C1orf198: variants seen among roughly 807,000 people sequenced by gnomAD.
C1orf198 encodes the protein chromosome 1 open reading frame 198.
A neutral mutation model predicts 31.4 loss-of-function variants in C1orf198; 17 were observed. That is an observed-to-expected ratio of 0.54 (90% CI 0.37 to 0.81). C1orf198 has a LOEUF of 0.81. C1orf198 is among the 40% of genes least tolerant of loss of function. C1orf198 has a pLI of 0.00. For missense variants in C1orf198, 401 were observed against 450.3 expected (o/e 0.89, Z 0.99); for synonymous variants, 175 against 193.8 (o/e 0.90, Z 0.81).
At chr1:230,856,557 T>G (rs1309657483) in intron 1 of C1orf198, among the ~76,000 whole-genome samples, 1 of 152,144 alleles carries the variant, frequency 6.6e-6, no homozygotes, top group African/African-American at 2.4e-5. Context: ...AACTTTTGTT[T>G]GTTTGTTGGT....
intron 2 of C1orf198, among the ~76,000 whole-genome samples, chr1:230,848,422 G>T (rs1350009850): frequency 6.6e-6 from 1 of 152,294 alleles, no homozygotes; most frequent in East Asian, 1.9e-4. Context: ...TGGGTAGGAA[G>T]GGGATGAAGA....
intron 2 of C1orf198, among the ~76,000 whole-genome samples, chr1:230,845,598 G>A (rs559984923): frequency 5.3e-5 from 8 of 151,916 alleles, no homozygotes; most frequent in African/African-American, 1.2e-4. Flanking sequence ...CAGGAGAATC[G>A]CTTGAACCCG....
At chr1:230,867,000 T>G (rs1314920842) in intron 1 of C1orf198, among the ~76,000 whole-genome samples, 1 of 152,200 alleles carries the variant, frequency 6.6e-6, no homozygotes, top group Non-Finnish European at 1.5e-5. Context: ...TTTATGACCA[T>G]GAACACTTCG....
At chr1:230,862,308 G>A (rs1401788672) in intron 1 of C1orf198, among the ~76,000 whole-genome samples, 1 of 152,208 alleles carries the variant, frequency 6.6e-6, no homozygotes, top group Non-Finnish European at 1.5e-5. Context: ...TTCTGCTATA[G>A]TTATTTCTAT....
intron 2 of C1orf198, 148 bp from the exon 3 acceptor site, chr1:230,844,044 C>T: frequency 1.2e-6 from 1 of 821,090 alleles, no homozygotes; most frequent in Non-Finnish European, 1.8e-6. Context: ...AACTGTCTGT[C>T]CTGAGTGGTG....
chr1:230,868,036 T>TCCCCACC, intron 1 of C1orf198, 144 bp downstream of exon 1: 4 of 861,456 alleles, frequency 4.6e-6, no homozygotes, highest in East Asian at 3.4e-5. Flanking sequence ...GCTCTGGGGC[T>TCCCCACC]CCCCTCCCAC....
At chr1:230,862,039 C>T (rs1274640670) in intron 1 of C1orf198, among the ~76,000 whole-genome samples, 1 of 152,150 alleles carries the variant, frequency 6.6e-6, no homozygotes, top group Non-Finnish European at 1.5e-5. Flanking sequence ...CAGAAAGTCC[C>T]ATAGGTTGCA....
intron 1 of C1orf198, among the ~76,000 whole-genome samples, chr1:230,858,511 G>A (rs922367530): frequency 6.6e-6 from 1 of 152,196 alleles, no homozygotes. Flanking sequence ...GTTCCAGGAG[G>A]AAGAACCGGC....
intron 3 of C1orf198, among the ~76,000 whole-genome samples, chr1:230,841,917 A>C (rs1349457821): frequency 1.3e-5 from 2 of 152,258 alleles, no homozygotes; most frequent in Non-Finnish European, 2.9e-5. Flanking sequence ...GAGTGGATAC[A>C]CAAAATGTGG....
At chr1:230,866,351 C>T (rs1204401636) in intron 1 of C1orf198, among the ~76,000 whole-genome samples, 1 of 152,212 alleles carries the variant, frequency 6.6e-6, no homozygotes. Flanking sequence ...AGAGGCATTT[C>T]AGAACATGCT....
chr1:230,845,104 C>T (rs944365468), intron 2 of C1orf198, among the ~76,000 whole-genome samples: 7 of 151,814 alleles, frequency 4.6e-5, no homozygotes, highest in East Asian at 3.9e-4. Flanking sequence ...TGGTGGCTCA[C>T]GCCTATAATC....
At chr1:230,845,182 G>A (rs1273675877) in intron 2 of C1orf198, among the ~76,000 whole-genome samples, 1 of 146,048 alleles carries the variant, frequency 6.8e-6, no homozygotes, top group Non-Finnish European at 1.5e-5. Flanking sequence ...TGGGCAACAA[G>A]TGAGACCCCT....
chr1:230,864,684 C>T (rs1277856161), intron 1 of C1orf198, among the ~76,000 whole-genome samples: 1 of 152,162 alleles, frequency 6.6e-6, no homozygotes, highest in Non-Finnish European at 1.5e-5. Flanking sequence ...AGTAGGTCCA[C>T]GCGAACAAGA....
At chr1:230,854,644 G>A (rs1479417857) in intron 2 of C1orf198, among the ~76,000 whole-genome samples, 2 of 152,122 alleles carry the variant, frequency 1.3e-5, no homozygotes, top group Non-Finnish European at 2.9e-5. Context: ...CAGGGCAATC[G>A]GCAATAGCTT....
intron 2 of C1orf198, among the ~76,000 whole-genome samples, chr1:230,845,312 G>A (rs901108645): frequency 2.6e-5 from 4 of 151,976 alleles, no homozygotes; most frequent in Middle Eastern, 3.4e-3. Context: ...GAGCCTGGGA[G>A]GTCAAGGCTG....
At chr1:230,856,635 C>T (rs1355806428) in intron 1 of C1orf198, among the ~76,000 whole-genome samples, 1 of 152,190 alleles carries the variant, frequency 6.6e-6, no homozygotes, top group Non-Finnish European at 1.5e-5. Flanking sequence ...TCAAGGGATG[C>T]TCCTGCCTTG....
At chr1:230,855,369 G>C (rs78918336) in intron 2 of C1orf198, among the ~76,000 whole-genome samples, 1 of 152,208 alleles carries the variant, frequency 6.6e-6, no homozygotes, top group East Asian at 1.9e-4. Flanking sequence ...CCCCAAGAGG[G>C]CTGGCCCCCT....
At position 230,839,629 on chromosome 1, in the gene C1orf198, C is replaced by T; in HGVS notation, c.*223G>A. ...AATTATTAACAGACCTTAAAAATTC[C>T]AAATGGAAAACTTCTGTTATCAAAT... On this transcript the variant is annotated 3_prime_UTR_variant, in exon 4 of 4. Transcript: ENST00000366663. 1 of 461,698 alleles carries T rather than the reference C, an allele frequency of 2.2e-6. No homozygotes were observed. The highest frequency in any genetic ancestry group is 3.7e-6 in the Non-Finnish European group (1 of 266,938). 28.6% of individuals were successfully genotyped at this position (461,698 alleles called of 1,614,324 possible).
rs144066613 is a variant in C1orf198, at chr1:230,840,432, G to A, written c.928-524C>T. On this transcript the variant is annotated intron_variant, in intron 3 of 3. Transcript: ENST00000366663. The surrounding 1 kb of genome is among the most constrained non-coding windows in gnomAD (Gnocchi z 4.0). ...TTCCCAAACTCTAAGCTCAGCCTCC[G>A]GGGCTCAAGCGATCCTCTTGCCTCG... 3.0e-3 allele frequency among the ~76,000 whole-genome samples: 458 copies of A among 152,272 alleles called. No homozygotes were observed. The highest frequency in any genetic ancestry group is 0.01 in the African/African-American group (418 of 41,554).
Sources: allele counts gnomAD v4.1 joint callset (sites outside exome capture counted in the v4.1 genomes callset), GRCh38; gene constraint gnomAD v4.1.1; non-coding constraint Gnocchi (gnomAD v3.1); transcripts MANE v1.5; gene names NCBI Gene and HGNC (gene_info 2026-07-23, HGNC 2026-07-21).